Variants in DIP2C observed in about 807,000 individuals in gnomAD.
DIP2C encodes DIP2 acetate--CoA ligase C (putative), also known as disco-interacting protein 2 homolog C.
DIP2C carries 33 observed loss-of-function variants against 192.4 expected under a neutral mutation model. That is an observed-to-expected ratio of 0.17 (90% CI 0.13 to 0.23). The LOEUF (loss-of-function observed/expected upper bound fraction) is 0.23, where lower values mean the gene tolerates loss of function less well. DIP2C is among the 10% of genes least tolerant of loss of function. The probability of loss-of-function intolerance (pLI) is 1.00; values close to 1 mark genes in which losing one functional copy is unlikely to be tolerated. For missense variants in DIP2C, 1,537 were observed against 2,110.1 expected (o/e 0.73, Z 5.32); for synonymous variants, 979 against 864.1 (o/e 1.13, Z -2.33).
At chr10:472,575 T>A in intron 2 of DIP2C, 26 bp from the exon 3 acceptor site, 1 of 1,593,182 alleles carries the variant, frequency 6.3e-7, no homozygotes. Context: ...AACAGCAGAG[T>A]GAGGTGTGAC....
At chr10:389,076 AT>A (rs1963236582) in intron 13 of DIP2C, among the ~76,000 whole-genome samples, 1 of 66,302 alleles carries the variant, frequency 1.5e-5, no homozygotes, top group African/African-American at 4.7e-5. Context: ...TCTCAGGGGC[AT>A]GGGGGTTCTC....
intron 1 of DIP2C, among the ~76,000 whole-genome samples, chr10:536,384 G>A (rs1181588927): frequency 6.6e-6 from 1 of 151,132 alleles, no homozygotes; most frequent in African/African-American, 2.4e-5. Context: ...ACAGTCCCGG[G>A]GGCTAGAGTT....
chr10:473,453 T>C (rs551391772), intron 2 of DIP2C, among the ~76,000 whole-genome samples: 58 of 141,770 alleles, frequency 4.1e-4, no homozygotes, highest in African/African-American at 1.1e-3. Flanking sequence ...CGTCATCCTA[T>C]GTCATCCCCA....
chr10:508,812 G>A (rs1409004348), intron 1 of DIP2C, among the ~76,000 whole-genome samples: 1 of 152,174 alleles, frequency 6.6e-6, no homozygotes, highest in South Asian at 2.1e-4. Context: ...GCTGGAGATG[G>A]GAAGTTGTGT....
intron 17 of DIP2C, among the ~76,000 whole-genome samples, chr10:378,259 C>T (rs781549976): frequency 6.6e-6 from 1 of 152,230 alleles, no homozygotes; most frequent in Admixed American, 6.5e-5. Context: ...ATACAGTTCA[C>T]GTAGCAAGAC....
At chr10:321,389 G>T (rs879725896) in intron 31 of DIP2C, among the ~76,000 whole-genome samples, 6 of 152,242 alleles carry the variant, frequency 3.9e-5, no homozygotes, top group Non-Finnish European at 8.8e-5. Flanking sequence ...CACATCCTAA[G>T]CCCTGCTGCA....
chr10:438,310 T>C (rs1452859413), intron 4 of DIP2C, among the ~76,000 whole-genome samples: 2 of 152,228 alleles, frequency 1.3e-5, no homozygotes, highest in African/African-American at 2.4e-5. Context: ...TTATAAAAAG[T>C]GGTCAAGAAA....
At chr10:501,718 G>T (rs816598) in intron 1 of DIP2C, among the ~76,000 whole-genome samples, 122,910 of 152,044 alleles carry the variant, frequency 0.81, 52,748 homozygotes, top group Non-Finnish European at 0.94. Flanking sequence ...AAATTACATT[G>T]AATTCAACAC....
intron 2 of DIP2C, among the ~76,000 whole-genome samples, chr10:474,568 T>TACTC (rs1970909575): frequency 6.0e-5 from 2 of 33,366 alleles, no homozygotes; most frequent in Non-Finnish European, 5.1e-4. Context: ...TGGCTGTGGC[T>TACTC]GCTGTGTTGG....
intron 1 of DIP2C, among the ~76,000 whole-genome samples, chr10:623,460 G>C (rs546539848): frequency 1.7e-3 from 253 of 147,656 alleles, no homozygotes; most frequent in Middle Eastern, 6.9e-3. Flanking sequence ...GTGGGGCTGA[G>C]GGGAGGAGGG....
intron 2 of DIP2C, among the ~76,000 whole-genome samples, chr10:483,186 TTAGAA>T (rs1313772125): frequency 1.3e-5 from 2 of 152,148 alleles, no homozygotes; most frequent in African/African-American, 4.8e-5. Context: ...AGAAACACTT[TTAGAA>T]TAGTTTCTGG....
Position 384,644 on chromosome 10 carries a change from A to C in DIP2C, c.1663-5T>G. ...ATGCATCATGTTCATGACGCTCTGC[A>C]ATCAACAAAGGAACACGCAGGGTGA... On this transcript the variant is annotated splice_region_variant and splice_polypyrimidine_tract_variant and intron_variant, in intron 14 of 36. Transcript: ENST00000280886. The C allele has an allele frequency of 6.2e-7, 1 of 1,613,808 alleles. No homozygotes were observed. Among genetic ancestry groups the C allele is most frequent in the Non-Finnish European group, 8.5e-7 (1 of 1,179,986 alleles).
chr10:420,143 A>AT (rs1316536241), intron 5 of DIP2C, among the ~76,000 whole-genome samples: 2 of 152,248 alleles, frequency 1.3e-5, no homozygotes, highest in Non-Finnish European at 2.9e-5. Context: ...CTCATCCCCA[A>AT]AAGCCTCTCT....
At chr10:536,462 T>G (rs1254269774) in intron 1 of DIP2C, among the ~76,000 whole-genome samples, 1 of 152,172 alleles carries the variant, frequency 6.6e-6, no homozygotes, top group African/African-American at 2.4e-5. Context: ...GTTGTATCTA[T>G]CTGCAAAGAC....
intron 1 of DIP2C, among the ~76,000 whole-genome samples, chr10:639,650 C>T (rs940479655): frequency 2.0e-5 from 3 of 152,236 alleles, no homozygotes; most frequent in Admixed American, 6.5e-5. Context: ...AGGCATTTTA[C>T]TTTGCTAATG....
intron 3 of DIP2C, among the ~76,000 whole-genome samples, chr10:452,579 C>G (rs563605332): frequency 2.6e-5 from 4 of 152,164 alleles, no homozygotes; most frequent in Non-Finnish European, 5.9e-5. Flanking sequence ...TCTACAATAG[C>G]GATTAAATGG....
At chr10:359,482 A>C (rs1959208435) in intron 22 of DIP2C, among the ~76,000 whole-genome samples, 1 of 152,200 alleles carries the variant, frequency 6.6e-6, no homozygotes, top group South Asian at 2.1e-4. Flanking sequence ...TGTAACAGTA[A>C]GATGCCTCCT....
intron 22 of DIP2C, among the ~76,000 whole-genome samples, chr10:360,064 C>T (rs1480043105): frequency 1.3e-5 from 2 of 151,816 alleles, no homozygotes; most frequent in Admixed American, 6.6e-5. Flanking sequence ...GTAGGGAAAG[C>T]GAGCTTTTGA....
At chr10:587,121 G>A (rs996229849) in intron 1 of DIP2C, among the ~76,000 whole-genome samples, 32 of 150,374 alleles carry the variant, frequency 2.1e-4, no homozygotes, top group Non-Finnish European at 4.5e-4. Context: ...CGTGGCGAGG[G>A]GCAAACAGTG....
Sources: gnomAD v4.1 joint callset for allele counts (sites outside exome capture counted in the v4.1 genomes callset) on GRCh38, gnomAD v4.1.1 for gene constraint, MANE v1.5 for transcripts, NCBI Gene and HGNC (gene_info 2026-07-23, HGNC 2026-07-21) for gene names.